Variants in TRANK1 observed in about 807,000 individuals in gnomAD.
TRANK1 encodes tetratricopeptide repeat and ankyrin repeat containing 1, also known as TPR and ankyrin repeat-containing protein 1.
A neutral mutation model predicts 266.0 loss-of-function variants in TRANK1; 198 were observed. The observed-to-expected ratio is 0.74, with a 90% CI of 0.66 to 0.84. The LOEUF (loss-of-function observed/expected upper bound fraction) is 0.84, where lower values mean the gene tolerates loss of function less well. TRANK1 is among the 40% of genes least tolerant of loss of function. The pLI is 0.00. For synonymous variants in TRANK1, 1,396 were observed against 1,384.1 expected (o/e 1.01, Z -0.19); for missense variants, 3,326 against 3,634.6 (o/e 0.92, Z 2.18).
At position 36,831,984 on chromosome 3, in the gene TRANK1, T is replaced by C. The variant is rs190492449; in HGVS notation, c.7599A>G (p.Leu2533=). The C allele has an allele frequency of 1.3e-4, 208 of 1,613,986 alleles. 1 individual carries two copies. The African/African-American group carries it at 2.3e-3, about 18-fold the overall frequency. ...TGAAGTTCACATTCTCATAGCCACATAGCACCTTGGCGAGGTAGGAGAGAT... is the reference window on the plus strand; with the variant it reads ...TGAAGTTCACATTCTCATAGCCACACAGCACCTTGGCGAGGTAGGAGAGAT... ...RFHLSYLAKV[L]CGYENVNFNV... The change falls in exon 22 of 24, where the codon CTA becomes CTG. Residue 2533 remains leucine (L), a synonymous_variant. Coordinates refer to ENST00000645898, the MANE Select transcript of TRANK1 (RefSeq NM_001329998.2). The surrounding 1 kb of genome is among the most constrained non-coding windows in gnomAD (Gnocchi z 5.0).
rs1234464952 is a variant in TRANK1, at chr3:36,944,770, C to A, written c.23+17G>T. ...GAAGGCCAGAGATGCCCCAGTGCTT[C>A]CCGCGCCGCTACGCACCTAGCTGCC... is the stretch of plus-strand genomic sequence containing the variant. On this transcript the variant is annotated intron_variant, in intron 1 of 23. Transcript: ENST00000645898. 6 of 1,499,140 alleles carry A rather than the reference C, an allele frequency of 4.0e-6. No homozygotes were observed. In the African/African-American group the frequency reaches 8.7e-5, roughly 22 times the overall value. 92.9% of individuals were successfully genotyped at this position (1,499,140 alleles called of 1,614,324 possible).
intron 1 of TRANK1, among the ~76,000 whole-genome samples, chr3:36,940,213 C>T (rs1204173928): frequency 2.0e-5 from 3 of 151,322 alleles, no homozygotes; most frequent in Admixed American, 6.6e-5. Flanking sequence ...GAAGCTGCTC[C>T]TTGGCCGGGC....
intron 20 of TRANK1, among the ~76,000 whole-genome samples, chr3:36,835,182 A>G (rs914850997): frequency 4.0e-5 from 6 of 150,442 alleles, no homozygotes; most frequent in South Asian, 4.2e-4. Context: ...AGCCGGGCGT[A>G]GTGGCGGGCG....
chr3:36,852,763 C>T (rs1013420803), intron 13 of TRANK1, among the ~76,000 whole-genome samples: 1 of 131,836 alleles, frequency 7.6e-6, no homozygotes, highest in Non-Finnish European at 1.6e-5. Flanking sequence ...CAGAGCGAGA[C>T]TCCATCTCAA....
chr3:36,882,893 C>T (rs897028632), intron 8 of TRANK1, among the ~76,000 whole-genome samples: 2 of 152,180 alleles, frequency 1.3e-5, no homozygotes, highest in African/African-American at 4.8e-5. Flanking sequence ...CAACCTCACA[C>T]ATAATTAGAG....
At chr3:36,850,940 T>G (rs2078977518) in intron 15 of TRANK1, 1 of 985,206 alleles carries the variant, frequency 1.0e-6, no homozygotes, top group Admixed American at 6.2e-5. Flanking sequence ...GCCAGCTAAG[T>G]CCCCAGAGAA....
At position 36,856,786 on chromosome 3, in the gene TRANK1, T is replaced by G. The variant is rs1479599582; in HGVS notation, c.2936A>C (p.Lys979Thr). 1 of 1,614,016 alleles carries G rather than the reference T, an allele frequency of 6.2e-7. No individual in the cohort carries two copies. Among genetic ancestry groups the G allele is most frequent in the South Asian group, 1.1e-5 (1 of 91,080 alleles). The change falls in exon 13 of 24, where the codon AAA (lysine) becomes ACA (threonine). Residue 979 changes from lysine to threonine, a missense_variant. Coordinates refer to ENST00000645898, the MANE Select transcript of TRANK1 (RefSeq NM_001329998.2). ...VLRKKLKGIN[K>T]GQVSANMKIQ... is the part of the protein sequence containing the mutation. ...TTTCATGTTAGCTGACACTTGGCCTTTATTGATACCTTTCAGCTTCTTCCG... is the reference window on the plus strand; with the variant it reads ...TTTCATGTTAGCTGACACTTGGCCTGTATTGATACCTTTCAGCTTCTTCCG...
chr3:36,851,920 C>A, intron 14 of TRANK1, 64 bp from the exon 15 acceptor site: 1 of 1,510,598 alleles, frequency 6.6e-7, no homozygotes, highest in Non-Finnish European at 8.8e-7. Flanking sequence ...CAGTCTATTT[C>A]TATGGGAGAT....
intron 3 of TRANK1, among the ~76,000 whole-genome samples, chr3:36,901,194 G>T (rs1459171229): frequency 6.6e-6 from 1 of 151,468 alleles, no homozygotes; most frequent in Admixed American, 6.6e-5. Context: ...CGAGCTGAAG[G>T]TATCTGAGAT....
chr3:36,901,835 C>A (rs2079887951), intron 3 of TRANK1, among the ~76,000 whole-genome samples: 1 of 152,126 alleles, frequency 6.6e-6, no homozygotes, highest in Non-Finnish European at 1.5e-5. Flanking sequence ...GGAAGAAGCC[C>A]CTTGATGTAA....
rs767735437 is a variant in TRANK1 at position 36,855,214 on chromosome 3, T to C, written c.4508A>G (p.Lys1503Arg). 1.7e-5 allele frequency: 27 copies of C among 1,613,810 alleles called. No homozygotes were observed. Among genetic ancestry groups the C allele is most frequent in the East Asian group, 2.2e-5 (1 of 44,866 alleles). Residue 1503 changes from lysine to arginine, a missense_variant, in exon 13 of 24, where the codon AAG becomes AGG. Transcript: ENST00000645898. ...ATTCTGGTACAGCTGGTGGATCTTC[T>C]TGGGCTTCCGGACAGCACACTGCTT... ...IDKQCAVRKP[K>R]KIHQLYQNYR...
Position 36,847,135 on chromosome 3 carries a change from C to T in TRANK1, c.5034+65G>A, listed in dbSNP as rs150742751. ...CAAGCTCCATTTTTCCTCTCATCTT[C>T]TCTTCCAAGCCTTTTTCACTACTTC... On this transcript the variant is annotated intron_variant, in intron 16 of 23. Transcript: ENST00000645898. The T allele has an allele frequency of 3.1e-4, 473 of 1,515,860 alleles. 3 individuals carry two copies. In the African/African-American group the frequency reaches 5.8e-3, roughly 19 times the overall value. The allele number at this position is 1,515,860 out of a possible 1,614,324, so 93.9% of individuals were successfully genotyped here. A position where few individuals can be genotyped will look rare whatever the true frequency, so the allele number is the denominator to read the frequency against.
At position 36,834,768 on chromosome 3, in the gene TRANK1, A is replaced by T; in HGVS notation, c.5657T>A (p.Val1886Glu). The T allele has an allele frequency of 6.2e-7, 1 of 1,609,712 alleles. No individual in the cohort carries two copies. The highest frequency in any genetic ancestry group is 8.5e-7 in the Non-Finnish European group (1 of 1,178,680). ...EELFEEAAIA[V>E]EKYEEMLKTK... ...AGAGAATAAAACCACCTACTTTTCC[A>T]CTGCAATAGCAGCTTCTTCAAAAAG... is the stretch of plus-strand genomic sequence containing the variant. The change falls in exon 21 of 24, where the codon GTG becomes GAG. Residue 1886 changes from valine to glutamate, a missense_variant. Val to Glu is a moderately radical substitution (Grantham distance 121, BLOSUM62 -2). Transcript: ENST00000645898.
At chr3:36,944,529 G>A (rs1435158990) in intron 1 of TRANK1, among the ~76,000 whole-genome samples, 1 of 152,178 alleles carries the variant, frequency 6.6e-6, no homozygotes, top group Non-Finnish European at 1.5e-5. Context: ...GGCAGGCCGC[G>A]CGCCGCCGCA....
At chr3:36,882,045 T>C (rs1385665099) in intron 8 of TRANK1, among the ~76,000 whole-genome samples, 1 of 152,240 alleles carries the variant, frequency 6.6e-6, no homozygotes, top group African/African-American at 2.4e-5. Context: ...AATGCTGATA[T>C]GAATAATCAT....
chr3:36,916,337 G>T (rs1263563932), intron 1 of TRANK1, among the ~76,000 whole-genome samples: 1 of 152,110 alleles, frequency 6.6e-6, no homozygotes, highest in Non-Finnish European at 1.5e-5. Context: ...AGGCCAAGGC[G>T]GGCAGATCAC....
At chr3:36,871,688 TAA>T (rs1030262737) in intron 9 of TRANK1, among the ~76,000 whole-genome samples, 3 of 151,800 alleles carry the variant, frequency 2.0e-5, no homozygotes, top group African/African-American at 4.8e-5. Context: ...AGGAAAAAAA[TAA>T]AAAGAGGGCT....
intron 8 of TRANK1, among the ~76,000 whole-genome samples, chr3:36,879,769 TAA>T (rs1178016981): frequency 2.1e-5 from 2 of 96,956 alleles, no homozygotes; most frequent in Non-Finnish European, 3.8e-5. Flanking sequence ...TAAATATATA[TAA>T]ATATATATAA....
At chr3:36,868,620 G>T (rs569670042) in intron 9 of TRANK1, among the ~76,000 whole-genome samples, 3 of 152,088 alleles carry the variant, frequency 2.0e-5, no homozygotes, top group African/African-American at 7.2e-5. Flanking sequence ...AACTAAAAAT[G>T]CATGGAATAA....
Sources: allele counts gnomAD v4.1 joint callset (sites outside exome capture counted in the v4.1 genomes callset), GRCh38; gene constraint gnomAD v4.1.1; non-coding constraint Gnocchi (gnomAD v3.1); transcripts MANE v1.5; gene names NCBI Gene and HGNC (gene_info 2026-07-23, HGNC 2026-07-21).